Variants in ZNF607 observed in about 807,000 individuals in gnomAD.
ZNF607 encodes the protein zinc finger protein 607.
ZNF607 carries 5 observed loss-of-function variants against 12.8 expected under a neutral mutation model. The observed-to-expected ratio is 0.39, with a 90% CI of 0.20 to 0.82. ZNF607 has a LOEUF of 0.82. Among genes scored for constraint, ZNF607 ranks in the 40% least tolerant of loss-of-function variants. The pLI is 0.39. For missense variants in ZNF607, 851 were observed against 859.2 expected, an observed-to-expected ratio of 0.99 and a Z score of 0.12; for synonymous variants, 287 against 276.2, an observed-to-expected ratio of 1.04 and a Z score of -0.39.
intron 1 of ZNF607, among the ~76,000 whole-genome samples, chr19:37,711,962 T>A (rs2045137253): frequency 6.6e-6 from 1 of 152,222 alleles, no homozygotes; most frequent in African/African-American, 2.4e-5. Flanking sequence ...ACGATGTTGG[T>A]GAGGCAGATG....
At chr19:37,716,059 CCTCTT>C (rs755902746) in intron 1 of ZNF607, among the ~76,000 whole-genome samples, 2 of 152,172 alleles carry the variant, frequency 1.3e-5, no homozygotes, top group East Asian at 3.9e-4. Context: ...AGCTCCCTCT[CCTCTT>C]AAAATGCAGA....
chr19:37,708,849 A>G (rs1431500015), intron 3 of ZNF607, among the ~76,000 whole-genome samples: 4 of 151,630 alleles, frequency 2.6e-5, no homozygotes, highest in Non-Finnish European at 5.9e-5. Flanking sequence ...TGTCTCAAAA[A>G]AAAAAAAAAA....
chr19:37,706,094 G>A (rs774473031), intron 4 of ZNF607, among the ~76,000 whole-genome samples: 12 of 151,650 alleles, frequency 7.9e-5, no homozygotes, highest in Non-Finnish European at 1.2e-4. Context: ...CTCGAGAGGC[G>A]GAGGCAGGAG....
Position 37,697,296 on chromosome 19 carries a change from G to T in ZNF607, c.*744C>A. 1 of 942,760 alleles carries T rather than the reference G, an allele frequency of 1.1e-6. No individual in the cohort carries two copies. The highest frequency in any genetic ancestry group is 1.7e-6 in the Non-Finnish European group (1 of 576,380). 58.4% of individuals were successfully genotyped at this position (942,760 alleles called of 1,614,324 possible). On this transcript the variant is annotated 3_prime_UTR_variant, in exon 5 of 5. Coordinates refer to ENST00000355202, the MANE Select transcript of ZNF607 (RefSeq NM_032689.5). ...TCCACGGAATTGGTCAAAGATGGCA[G>T]CTCTGTGCCCAGCATCCACATTACA...
At chr19:37,710,174 G>C (rs1297854697) in intron 2 of ZNF607, among the ~76,000 whole-genome samples, 3 of 149,900 alleles carry the variant, frequency 2.0e-5, no homozygotes, top group African/African-American at 7.4e-5. Context: ...AAAAGAAAAT[G>C]GAGTGGATGG....
chr19:37,707,895 C>T lies in ZNF607; in HGVS notation c.235+19G>A, dbSNP rs1325809159. ...TATTTGCATACAAAAATGGCTGCCC[C>T]TGCCTGACTTGCTCTTACCTGTACA... is the stretch of plus-strand genomic sequence containing the variant. On this transcript the variant is annotated intron_variant, in intron 4 of 4. Transcript: ENST00000355202. The T allele has an allele frequency of 6.3e-7, 1 of 1,597,762 alleles. No individual in the cohort carries two copies. The highest frequency in any genetic ancestry group is 1.3e-5 in the African/African-American group (1 of 74,170).
chr19:37,704,420 G>A (rs2045063800), intron 4 of ZNF607, among the ~76,000 whole-genome samples: 1 of 152,126 alleles, frequency 6.6e-6, no homozygotes, highest in East Asian at 1.9e-4. Context: ...CATGTTCTCT[G>A]ATCATAATGG....
chr19:37,713,437 ATT>A (rs60121706), intron 1 of ZNF607, among the ~76,000 whole-genome samples: 17 of 140,664 alleles, frequency 1.2e-4, no homozygotes, highest in East Asian at 2.1e-4. Context: ...TAAAAGTCTG[ATT>A]TTTTTTTTTT....
At position 37,697,050 on chromosome 19, in the gene ZNF607, A is replaced by G. The variant is rs917574789; in HGVS notation, c.*990T>C. Reference sequence around the variant, plus strand: ...GATCTCCGTGGTAATGAACGGCAGCACACACTCATCGTAGTCCTCTCCAAT... The same window carrying G: ...GATCTCCGTGGTAATGAACGGCAGCGCACACTCATCGTAGTCCTCTCCAAT... On this transcript the variant is annotated 3_prime_UTR_variant, in exon 5 of 5. Coordinates refer to ENST00000355202, the MANE Select transcript of ZNF607 (RefSeq NM_032689.5). The G allele has an allele frequency of 8.2e-6, 6 of 735,966 alleles. No individual in the cohort carries two copies. The Admixed American group carries it at 1.1e-4, about 13-fold the overall frequency. 45.6% of individuals were successfully genotyped at this position (735,966 alleles called of 1,614,324 possible). A position where few individuals can be genotyped will look rare whatever the true frequency, so the allele number is the denominator to read the frequency against.
In ZNF607 at chr19:37,697,660, T is replaced by C. The variant is rs1030814138; in HGVS notation, c.*380A>G. 3.1e-6 allele frequency: 1 copy of C among 325,704 alleles called. No individual in the cohort carries two copies. The highest frequency in any genetic ancestry group is 2.1e-5 in the African/African-American group (1 of 46,624). The allele number at this position is 325,704 out of a possible 1,614,324, so 20.2% of individuals were successfully genotyped here. On this transcript the variant is annotated 3_prime_UTR_variant, in exon 5 of 5. Coordinates refer to ENST00000355202, the MANE Select transcript of ZNF607 (RefSeq NM_032689.5). ...AGAGGTTTCCTGTGTAATGGCTTTT[T>C]CCAGGTTTAACAATAAATGATTGTT...
intron 2 of ZNF607, among the ~76,000 whole-genome samples, chr19:37,710,339 G>C (rs564644080): frequency 6.6e-6 from 1 of 152,062 alleles, no homozygotes; most frequent in Non-Finnish European, 1.5e-5. Context: ...GGTGGCACAT[G>C]CCTGTAATCC....
intron 1 of ZNF607, among the ~76,000 whole-genome samples, chr19:37,717,806 C>CAA (rs57152044): frequency 1.1e-3 from 77 of 66,974 alleles, no homozygotes; most frequent in East Asian, 1.7e-3. Context: ...AACTCAGTCT[C>CAA]AAAAAAAAAA....
intron 1 of ZNF607, among the ~76,000 whole-genome samples, chr19:37,717,340 C>G (rs1394250842): frequency 6.6e-6 from 1 of 152,074 alleles, no homozygotes; most frequent in Non-Finnish European, 1.5e-5. Flanking sequence ...CGCCCACCAC[C>G]ACGCCCGGCT....
chr19:37,713,570 G>A (rs1599669163), intron 1 of ZNF607, among the ~76,000 whole-genome samples: 1 of 151,848 alleles, frequency 6.6e-6, no homozygotes. Context: ...CAAGTAGCTA[G>A]CTGGGATTAC....
chr19:37,697,359 G>T lies in ZNF607; in HGVS notation c.*681C>A, dbSNP rs557812533. 80 of 1,516,090 alleles carry T rather than the reference G, an allele frequency of 5.3e-5. No homozygotes were observed. The African/African-American group carries it at 8.7e-4, about 16-fold the overall frequency. The allele number at this position is 1,516,090 out of a possible 1,614,324, so 93.9% of individuals were successfully genotyped here. On this transcript the variant is annotated 3_prime_UTR_variant, in exon 5 of 5. Coordinates refer to ENST00000355202, the MANE Select transcript of ZNF607 (RefSeq NM_032689.5). ...CACCATGCCTCCTGCAACAGCTAAG[G>T]CCAGGCCAAACTTGCCGATGGACTC...
chr19:37,716,573 C>A (rs1289540338), intron 1 of ZNF607, among the ~76,000 whole-genome samples: 1 of 152,182 alleles, frequency 6.6e-6, no homozygotes, highest in African/African-American at 2.4e-5. Context: ...AAGTAGGAGT[C>A]TGTCTATTTC....
Position 37,697,875 on chromosome 19 carries a change from T to A in ZNF607, c.*165A>T. The A allele has an allele frequency of 1.7e-6, 1 of 599,330 alleles. No individual in the cohort carries two copies. Among genetic ancestry groups the A allele is most frequent in the Non-Finnish European group, 2.8e-6 (1 of 354,904 alleles). The allele number at this position is 599,330 out of a possible 1,614,324, so 37.1% of individuals were successfully genotyped here. A position where few individuals can be genotyped will look rare whatever the true frequency, so the allele number is the denominator to read the frequency against. On this transcript the variant is annotated 3_prime_UTR_variant, in exon 5 of 5. Transcript: ENST00000355202. ...GGTCATACCAAAGAAACTGCATATA[T>A]GATTTACATTTTGAAAAGTTCACAC...
Position 37,697,699 on chromosome 19 carries a change from T to C in ZNF607, c.*341A>G. 3.2e-6 allele frequency: 1 copy of C among 308,628 alleles called. No homozygotes were observed. The highest frequency in any genetic ancestry group is 6.0e-6 in the Non-Finnish European group (1 of 167,408). 19.1% of individuals were successfully genotyped at this position (308,628 alleles called of 1,614,324 possible). A position where few individuals can be genotyped will look rare whatever the true frequency, so the allele number is the denominator to read the frequency against. On this transcript the variant is annotated 3_prime_UTR_variant, in exon 5 of 5. Coordinates refer to ENST00000355202, the MANE Select transcript of ZNF607 (RefSeq NM_032689.5). ...TAAATGATTGTTGCTGGAAGATGTT[T>C]ACATGCAAGTATAAAGAATGGTTTC... is the stretch of plus-strand genomic sequence containing the variant.
rs1473106329 is a variant in ZNF607 at position 37,699,622 on chromosome 19, T to A, written c.509A>T (p.Tyr170Phe). Residue 170 changes from tyrosine (Y) to phenylalanine (F), a missense_variant, in exon 5 of 5, where the codon TAT (tyrosine) becomes TTT (phenylalanine). Transcript: ENST00000355202. ...GACCTTCCCACATTCTTCACATTCA[T>A]AAGGTTTCTCACGAGCATTAATTTT... ...HQKINAREKP[Y>F]ECEECGKVFS... 1 of 1,614,128 alleles carries A rather than the reference T, an allele frequency of 6.2e-7. No individual in the cohort carries two copies. Among genetic ancestry groups the A allele is most frequent in the South Asian group, 1.1e-5 (1 of 91,084 alleles).
Sources: allele counts gnomAD v4.1 joint callset (sites outside exome capture counted in the v4.1 genomes callset), GRCh38; gene constraint gnomAD v4.1.1; transcripts MANE v1.5; gene names NCBI Gene and HGNC (gene_info 2026-07-23, HGNC 2026-07-21).